The following PARP4 variants were observed in gnomAD, a reference collection of about 807,000 sequenced individuals.
PARP4 encodes the protein protein mono-ADP-ribosyltransferase PARP4.
Under a neutral mutation model 187.7 loss-of-function variants are expected in PARP4, and 120 were observed. The observed-to-expected ratio is 0.64, with a 90% CI of 0.55 to 0.74. PARP4 has a LOEUF of 0.74. Ranked by LOEUF, PARP4 falls within the 30% of genes least tolerant of loss-of-function variation. PARP4 has a pLI of 0.00. For missense variants in PARP4, 1,836 were observed against 2,070.5 expected, an observed-to-expected ratio of 0.89 and a Z score of 2.20; for synonymous variants, 654 against 740.9, an observed-to-expected ratio of 0.88 and a Z score of 1.90.
chr13:24,448,007 A>C (rs1179348197), intron 25 of PARP4, among the ~76,000 whole-genome samples: 1 of 152,042 alleles, frequency 6.6e-6, no homozygotes, highest in Non-Finnish European at 1.5e-5. Flanking sequence ...GGGATTCGAG[A>C]CCAGCCTAGG....
Position 24,502,121 on chromosome 13 carries a change from A to G in PARP4, c.133-287T>C, listed in dbSNP as rs767087974. On this transcript the variant is annotated intron_variant, in intron 2 of 33. Coordinates refer to ENST00000381989, the MANE Select transcript of PARP4 (RefSeq NM_006437.4). ...AACGCTGTGATGACTATCCTCATGT[A>G]CACATCCTTGTGCACTTGTTCAATT... is the stretch of plus-strand genomic sequence containing the variant. Among the ~76,000 whole-genome samples, 146 of 152,230 alleles carry G rather than the reference A, an allele frequency of 9.6e-4. 2 individuals carry two copies. The highest frequency in any genetic ancestry group is 4.7e-4 in the Non-Finnish European group (32 of 68,040).
chr13:24,421,939 T>G (rs551877881), intron 33 of PARP4, among the ~76,000 whole-genome samples: 1 of 152,342 alleles, frequency 6.6e-6, no homozygotes, highest in East Asian at 1.9e-4. Context: ...ACTTCCTCAT[T>G]TGTTCTGTCA....
chr13:24,477,012 C>T (rs1204274837), intron 14 of PARP4, among the ~76,000 whole-genome samples: 1 of 152,188 alleles, frequency 6.6e-6, no homozygotes, highest in Non-Finnish European at 1.5e-5. Flanking sequence ...GGCTCTACAG[C>T]GGCTCTGCTG....
intron 25 of PARP4, among the ~76,000 whole-genome samples, chr13:24,448,623 A>T (rs1871335596): frequency 6.6e-6 from 1 of 152,226 alleles, no homozygotes; most frequent in Non-Finnish European, 1.5e-5. Flanking sequence ...CACGCTGCAC[A>T]TATATCCAGA....
At chr13:24,460,174 A>T (rs1396596472) in intron 17 of PARP4, 38 bp from the exon 18 acceptor site, 12 of 1,579,214 alleles carry the variant, frequency 7.6e-6, no homozygotes, top group Admixed American at 1.8e-5. Flanking sequence ...CCAACTTGAA[A>T]GCATACCCAT....
At chr13:24,497,938 C>G (rs1035248664) in intron 6 of PARP4, among the ~76,000 whole-genome samples, 178 bp downstream of exon 6, 13 of 152,302 alleles carry the variant, frequency 8.5e-5, no homozygotes, top group African/African-American at 3.1e-4. Flanking sequence ...GGACTTCCAG[C>G]TTTTTGCACT....
intron 24 of PARP4, among the ~76,000 whole-genome samples, chr13:24,450,144 A>T (rs1445031782): frequency 1.3e-5 from 2 of 152,166 alleles, no homozygotes; most frequent in African/African-American, 4.8e-5. Context: ...AAAGATATCA[A>T]CTTAATTTCC....
chr13:24,477,437 G>A (rs760185526), intron 14 of PARP4, among the ~76,000 whole-genome samples: 5 of 150,080 alleles, frequency 3.3e-5, no homozygotes, highest in Non-Finnish European at 7.4e-5. Context: ...CAGCCTGGGG[G>A]ACAGAGTGAG....
chr13:24,506,318 G>A (rs1285663162), intron 1 of PARP4, among the ~76,000 whole-genome samples: 1 of 152,170 alleles, frequency 6.6e-6, no homozygotes, highest in Non-Finnish European at 1.5e-5. Flanking sequence ...GCGATTTAAA[G>A]GCAGTGCGGA....
In PARP4 at chr13:24,442,693, A is replaced by C; in HGVS notation, c.3448-8T>G. ...CAAGGTTTGTTTTTTCATCTAGGAT[A>C]GAATAAAACATAAATCATGTCCTGT... On this transcript the variant is annotated splice_region_variant and splice_polypyrimidine_tract_variant and intron_variant, in intron 28 of 33. Transcript: ENST00000381989. The C allele has an allele frequency of 7.3e-7, 1 of 1,368,784 alleles. No homozygotes were observed. Among genetic ancestry groups the C allele is most frequent in the Non-Finnish European group, 1.0e-6 (1 of 957,712 alleles). 84.8% of individuals were successfully genotyped at this position (1,368,784 alleles called of 1,614,324 possible).
At chr13:24,478,810 CAG>C (rs1441747641) in intron 12 of PARP4, among the ~76,000 whole-genome samples, 3 of 152,164 alleles carry the variant, frequency 2.0e-5, no homozygotes, top group Non-Finnish European at 4.4e-5. Context: ...ACTTTGTTTC[CAG>C]AGAGAAATGA....
At chr13:24,438,235 T>C (rs1593592267) in intron 30 of PARP4, among the ~76,000 whole-genome samples, 1 of 152,050 alleles carries the variant, frequency 6.6e-6, no homozygotes, top group African/African-American at 2.4e-5. Context: ...TGGACAGGGG[T>C]GGGGCAGATG....
chr13:24,431,516 C>G, intron 31 of PARP4, 40 bp from the exon 32 acceptor site: 2 of 1,262,862 alleles, frequency 1.6e-6, no homozygotes, highest in Non-Finnish European at 2.3e-6. Context: ...ATGTTATTCA[C>G]ATTTTATCAC....
intron 6 of PARP4, among the ~76,000 whole-genome samples, chr13:24,495,696 C>T (rs1450212035): frequency 6.6e-6 from 1 of 152,120 alleles, no homozygotes; most frequent in Non-Finnish European, 1.5e-5. Context: ...GGGGTGTGGA[C>T]CCCTGGGAAG....
Position 24,452,426 on chromosome 13 carries a change from C to A in PARP4, c.2994G>T (p.Arg998Ser). The A allele has an allele frequency of 6.2e-7, 1 of 1,613,452 alleles. No homozygotes were observed. The highest frequency in any genetic ancestry group is 8.5e-7 in the Non-Finnish European group (1 of 1,179,824). The part of the protein sequence containing the change: ...QLVKRSRPHT[R>S]LFACGIGSTA... ...CTCACCCGATACCGCAGGCGAATAA[C>A]CTGGTGTGCGGGCGGCTCCTCTTCA... The change falls in exon 24 of 34, where the codon AGG (arginine) becomes AGT (serine). Residue 998 changes from arginine to serine, a missense_variant. Physicochemically the swap from Arg to Ser is moderately radical, Grantham distance 110. Coordinates refer to ENST00000381989, the MANE Select transcript of PARP4 (RefSeq NM_006437.4).
intron 18 of PARP4, chr13:24,459,577 T>C (rs1389724245): frequency 5.8e-6 from 2 of 347,774 alleles, no homozygotes; most frequent in Admixed American, 4.8e-5. Context: ...ATTTTATACA[T>C]GTGCTGTACA....
chr13:24,434,539 G>A lies in PARP4; in HGVS notation c.4602C>T (p.Asp1534=). 6.2e-7 allele frequency: 1 copy of A among 1,613,868 alleles called. No individual in the cohort carries two copies. Among genetic ancestry groups the A allele is most frequent in the Non-Finnish European group, 8.5e-7 (1 of 1,179,728 alleles). Residue 1534 remains aspartate (D), a synonymous_variant, in exon 31 of 34, where the codon GAC becomes GAT. Transcript: ENST00000381989. ...ESDELSEVLQ[D]SCFLQIKCDT... ...CACATTTTATTTGTAAAAAGCAGCT[G>A]TCTTGAAGTACTTCTGATAGCTCAT...
chr13:24,512,446 G>A (rs1028143205), intron 1 of PARP4, among the ~76,000 whole-genome samples: 7 of 152,196 alleles, frequency 4.6e-5, no homozygotes, highest in African/African-American at 1.7e-4. Flanking sequence ...GTCGGCTCCG[G>A]TGGGCGCCCC....
In PARP4 at chr13:24,435,472, A is replaced by C; in HGVS notation, c.3669T>G (p.Ser1223=). The part of the protein sequence containing the change: ...GEPQEAVRNQ[S]LLASSEWPEL... ...CTGGCCACTCAGAGGATGCTAAAAGAGACTGCCCAGAAGACAGAATTATTA... is the reference window on the plus strand; with the variant it reads ...CTGGCCACTCAGAGGATGCTAAAAGCGACTGCCCAGAAGACAGAATTATTA... The change falls in exon 31 of 34, where the codon TCT becomes TCG. Residue 1223 remains serine (S), a splice_region_variant and synonymous_variant. Coordinates refer to ENST00000381989, the MANE Select transcript of PARP4 (RefSeq NM_006437.4). 1 of 1,579,624 alleles carries C rather than the reference A, an allele frequency of 6.3e-7. No homozygotes were observed. The highest frequency in any genetic ancestry group is 8.5e-7 in the Non-Finnish European group (1 of 1,169,932).
Sources: allele counts gnomAD v4.1 joint callset (sites outside exome capture counted in the v4.1 genomes callset), GRCh38; gene constraint gnomAD v4.1.1; transcripts MANE v1.5; gene names NCBI Gene and HGNC (gene_info 2026-07-23, HGNC 2026-07-21).